The following ALOX5AP variants were observed in gnomAD, a reference collection of about 807,000 sequenced individuals.
The protein encoded by ALOX5AP is arachidonate 5-lipoxygenase-activating protein.
ALOX5AP carries 9 observed loss-of-function variants against 18.5 expected under a neutral mutation model. The observed-to-expected ratio is 0.49, with a 90% CI of 0.29 to 0.85. The LOEUF (loss-of-function observed/expected upper bound fraction) is 0.85, where lower values mean the gene tolerates loss of function less well. Ranked by LOEUF, ALOX5AP falls within the 40% of genes least tolerant of loss-of-function variation. The pLI is 0.08. For synonymous variants in ALOX5AP, 81 were observed against 78.6 expected, an observed-to-expected ratio of 1.03 and a Z score of -0.16; for missense variants, 172 against 202.5, an observed-to-expected ratio of 0.85 and a Z score of 0.91.
intron 3 of ALOX5AP, among the ~76,000 whole-genome samples, chr13:30,753,918 C>T (rs1020545600): frequency 1.3e-5 from 2 of 152,162 alleles, no homozygotes; most frequent in Admixed American, 6.5e-5. Flanking sequence ...CAAGGCAAAT[C>T]GTGATTGTGA....
At position 30,755,862 on chromosome 13, in the gene ALOX5AP, C is replaced by A. The variant is rs1228190839; in HGVS notation, c.242-82C>A. ...GTGTGTCTTCTGCTAGATTTTGTGA[C>A]CAATGTTGATTGCCTAATTGGGCTA... On this transcript the variant is annotated intron_variant, in intron 3 of 4. Coordinates refer to ENST00000380490, the MANE Select transcript of ALOX5AP (RefSeq NM_001629.4). 7.4e-6 allele frequency: 10 copies of A among 1,344,802 alleles called. No individual in the cohort carries two copies. The East Asian group carries it at 2.3e-4, about 31-fold the overall frequency. The allele number at this position is 1,344,802 out of a possible 1,614,324, so 83.3% of individuals were successfully genotyped here. A position where few individuals can be genotyped will look rare whatever the true frequency, so the allele number is the denominator to read the frequency against.
chr13:30,734,301 G>C (rs565272736), upstream of ALOX5AP, among the ~76,000 whole-genome samples: 1 of 152,054 alleles, frequency 6.6e-6, no homozygotes, highest in Middle Eastern at 3.2e-3. Flanking sequence ...CAGCTGAACC[G>C]AGGGCATTGA....
At chr13:30,723,509 T>C (rs1036453337) in intron 1 of ALOX5AP, among the ~76,000 whole-genome samples, 2 of 152,222 alleles carry the variant, frequency 1.3e-5, no homozygotes, top group African/African-American at 4.8e-5. Flanking sequence ...AAAGTATTTG[T>C]GTACTTGACT....
chr13:30,718,802 G>A (rs899646484), intron 1 of ALOX5AP, among the ~76,000 whole-genome samples: 1 of 152,176 alleles, frequency 6.6e-6, no homozygotes, highest in Non-Finnish European at 1.5e-5. Context: ...TTGAGGTCAT[G>A]ACAGCCCTCT....
chr13:30,728,709 G>T (rs1243474236), intron 1 of ALOX5AP, among the ~76,000 whole-genome samples: 1 of 152,174 alleles, frequency 6.6e-6, no homozygotes, highest in African/African-American at 2.4e-5. Context: ...TTAGCAGCGT[G>T]TGGTGGTGTG....
intron 1 of ALOX5AP, among the ~76,000 whole-genome samples, chr13:30,727,418 C>A (rs569780802): frequency 6.6e-6 from 1 of 152,114 alleles, no homozygotes; most frequent in African/African-American, 2.4e-5. Flanking sequence ...ACCAGGTAAG[C>A]CCTGGTAGAT....
upstream of ALOX5AP, among the ~76,000 whole-genome samples, chr13:30,731,375 A>ATTTT (rs1181273858): frequency 5.0e-5 from 7 of 140,530 alleles, no homozygotes; most frequent in African/African-American, 1.8e-4. Context: ...CCTTGACCAC[A>ATTTT]TTTTTTTTTT....
intron 4 of ALOX5AP, among the ~76,000 whole-genome samples, chr13:30,756,398 T>C (rs113346008): frequency 2.0e-4 from 31 of 152,322 alleles, no homozygotes; most frequent in African/African-American, 7.2e-4. Context: ...GTGAAATGTT[T>C]CATTGTTTGT....
At chr13:30,733,020 G>A (rs528869391), upstream of ALOX5AP, among the ~76,000 whole-genome samples, 17 of 152,142 alleles carry the variant, frequency 1.1e-4, no homozygotes, top group African/African-American at 4.1e-4. Context: ...TTAGCCAGGC[G>A]TGGTGGTGGG....
intron 3 of ALOX5AP, among the ~76,000 whole-genome samples, chr13:30,755,165 G>A (rs960075332): frequency 3.9e-5 from 6 of 152,246 alleles, no homozygotes; most frequent in East Asian, 1.9e-4. Context: ...AGGCTAGAAC[G>A]CAGAGGGAAT....
At chr13:30,762,800 T>C (rs1951952993) in intron 4 of ALOX5AP, among the ~76,000 whole-genome samples, 1 of 152,098 alleles carries the variant, frequency 6.6e-6, no homozygotes, top group African/African-American at 2.4e-5. Flanking sequence ...TAAAGATGCC[T>C]TCCCAGGATC....
At chr13:30,714,980 G>C (rs1008856842) in intron 1 of ALOX5AP, among the ~76,000 whole-genome samples, 8 of 152,114 alleles carry the variant, frequency 5.3e-5, no homozygotes, top group African/African-American at 9.7e-5. Context: ...CATCTCTCTG[G>C]CCAGATCATT....
chr13:30,725,814 T>C (rs1467330265), intron 1 of ALOX5AP, among the ~76,000 whole-genome samples: 3 of 152,198 alleles, frequency 2.0e-5, no homozygotes, highest in African/African-American at 7.2e-5. Flanking sequence ...AGATATGAGC[T>C]TCTGATCATG....
intron 4 of ALOX5AP, among the ~76,000 whole-genome samples, chr13:30,760,902 T>C (rs1324574332): frequency 6.6e-6 from 1 of 152,032 alleles, no homozygotes; most frequent in Non-Finnish European, 1.5e-5. Flanking sequence ...TCTTCTGTGG[T>C]TGGTATAAAA....
intron 1 of ALOX5AP, among the ~76,000 whole-genome samples, chr13:30,724,185 A>T (rs1951618641): frequency 6.6e-6 from 1 of 152,202 alleles, no homozygotes; most frequent in African/African-American, 2.4e-5. Context: ...TACAAATGGA[A>T]TCATACAGCA....
chr13:30,744,040 CA>C lies in ALOX5AP; in HGVS notation c.71-17del. The C allele has an allele frequency of 6.2e-7, 1 of 1,606,998 alleles. No individual in the cohort carries two copies. The highest frequency in any genetic ancestry group is 2.2e-5 in the East Asian group (1 of 44,810). ...GAACATGCCCACAATGAACCAGATG[CA>C]AACCTTTTCCCTTGGCAGGATTCTT... On this transcript the variant is annotated intron_variant, in intron 1 of 4. Transcript: ENST00000380490.
At chr13:30,735,459 A>C, upstream of ALOX5AP, 1 of 1,073,740 alleles carries the variant, frequency 9.3e-7, no homozygotes, top group South Asian at 2.0e-5. Context: ...AAAAAAAAAA[A>C]GGAAGAAGAA....
intron 1 of ALOX5AP, among the ~76,000 whole-genome samples, chr13:30,723,285 A>C (rs147338585): frequency 9.9e-4 from 151 of 152,366 alleles, no homozygotes; most frequent in Non-Finnish European, 1.8e-3. Context: ...TGTGAGGGAC[A>C]TAAGGTCTGT....
At chr13:30,729,686 C>T (rs1267426703) in intron 1 of ALOX5AP, among the ~76,000 whole-genome samples, 1 of 151,868 alleles carries the variant, frequency 6.6e-6, no homozygotes, top group Non-Finnish European at 1.5e-5. Flanking sequence ...AAGTGATTCT[C>T]CTGCCTCAGC....
Sources: gnomAD v4.1 joint callset for allele counts (sites outside exome capture counted in the v4.1 genomes callset) on GRCh38, gnomAD v4.1.1 for gene constraint, MANE v1.5 for transcripts, NCBI Gene and HGNC (gene_info 2026-07-23, HGNC 2026-07-21) for gene names.